Variants in TMEM117 observed in about 807,000 individuals in gnomAD.
TMEM117 encodes the protein transmembrane protein 117.
Under a neutral mutation model 52.4 loss-of-function variants are expected in TMEM117, and 27 were observed. The ratio of observed to expected loss-of-function variants is 0.51; its 90% CI spans 0.38 to 0.71. TMEM117 has a LOEUF of 0.71. Among genes scored for constraint, TMEM117 ranks in the 30% least tolerant of loss-of-function variants. The pLI is 0.00. For missense variants in TMEM117, 556 were observed against 630.5 expected (o/e 0.88, Z 1.26); for synonymous variants, 215 against 206.3 (o/e 1.04, Z -0.36).
Position 44,299,706 on chromosome 12 carries a change from T to C in TMEM117, c.735T>C (p.Phe245=). ...DEVSRAFLAS[F]ILVFDLLIVM... is the part of the protein sequence containing the mutation. The stretch of plus-strand genomic sequence containing the variant: ...TTTCCAGAGCATTCCTTGCTTCTTT[T>C]ATCTTGGTCTTTGACCTTCTTATTG... Residue 245 remains phenylalanine (F), a synonymous_variant, in exon 6 of 8, where the codon TTT becomes TTC. Coordinates refer to ENST00000266534, the MANE Select transcript of TMEM117 (RefSeq NM_032256.3). 1.2e-6 allele frequency: 2 copies of C among 1,614,210 alleles called. No individual in the cohort carries two copies. The highest frequency in any genetic ancestry group is 1.7e-6 in the Non-Finnish European group (2 of 1,180,028).
intron 3 of TMEM117, among the ~76,000 whole-genome samples, chr12:44,106,566 A>G (rs911196945): frequency 2.6e-5 from 4 of 152,036 alleles, no homozygotes; most frequent in African/African-American, 9.7e-5. Flanking sequence ...GATCTATTGC[A>G]CAGCATAGTA....
At chr12:44,239,309 A>G (rs1950034602) in intron 5 of TMEM117, among the ~76,000 whole-genome samples, 1 of 152,284 alleles carries the variant, frequency 6.6e-6, no homozygotes, top group African/African-American at 2.4e-5. Flanking sequence ...CAGCAAGTAT[A>G]CAGCATAACT....
chr12:43,868,089 A>G (rs896355785), intron 2 of TMEM117, among the ~76,000 whole-genome samples: 2 of 108,770 alleles, frequency 1.8e-5, no homozygotes, highest in Admixed American at 1.2e-4. Context: ...AGAAATAAAA[A>G]TCAAATATAC....
chr12:43,994,608 T>G (rs11836308), intron 3 of TMEM117, among the ~76,000 whole-genome samples: 8,935 of 152,150 alleles, frequency 0.059, 529 homozygotes, highest in African/African-American at 0.16. Flanking sequence ...AGTTACATGG[T>G]CCAAACATTT....
chr12:44,180,440 T>C (rs1259248032), intron 4 of TMEM117, among the ~76,000 whole-genome samples: 1 of 151,124 alleles, frequency 6.6e-6, no homozygotes, highest in Admixed American at 6.6e-5. Flanking sequence ...GCCATGCTGG[T>C]GCGCTGCACC....
intron 3 of TMEM117, among the ~76,000 whole-genome samples, chr12:44,075,018 A>G (rs778696101): frequency 1.3e-5 from 2 of 152,170 alleles, no homozygotes; most frequent in Non-Finnish European, 2.9e-5. Flanking sequence ...CAGTTTTCTC[A>G]GAAGTTGAGT....
At chr12:43,856,051 T>G (rs1030622590) in intron 2 of TMEM117, among the ~76,000 whole-genome samples, 2 of 152,204 alleles carry the variant, frequency 1.3e-5, no homozygotes, top group Non-Finnish European at 2.9e-5. Context: ...AACCAACAAG[T>G]TATCATGGTC....
intron 3 of TMEM117, among the ~76,000 whole-genome samples, chr12:43,951,147 A>G (rs1945214819): frequency 6.6e-6 from 1 of 152,172 alleles, no homozygotes; most frequent in African/African-American, 2.4e-5. Context: ...GATTTTTGCA[A>G]TCCATGAATC....
intron 6 of TMEM117, among the ~76,000 whole-genome samples, chr12:44,328,421 G>A (rs1267242590): frequency 1.3e-5 from 2 of 152,040 alleles, no homozygotes; most frequent in African/African-American, 4.8e-5. Flanking sequence ...TCTGTGTAGG[G>A]GTTGAAGATT....
chr12:44,094,981 C>T (rs939485636), intron 3 of TMEM117, among the ~76,000 whole-genome samples: 2 of 152,028 alleles, frequency 1.3e-5, no homozygotes, highest in African/African-American at 4.8e-5. Flanking sequence ...GTAATGTGAT[C>T]CTACCAGACT....
intron 2 of TMEM117, among the ~76,000 whole-genome samples, chr12:43,907,585 T>A (rs1944415775): frequency 6.8e-6 from 1 of 147,064 alleles, no homozygotes; most frequent in African/African-American, 2.5e-5. Context: ...GGCAAAGAAG[T>A]TGAAAACTTT....
chr12:44,191,529 T>C (rs1204898828), intron 4 of TMEM117, among the ~76,000 whole-genome samples: 1 of 152,020 alleles, frequency 6.6e-6, no homozygotes, highest in Non-Finnish European at 1.5e-5. Flanking sequence ...CATGGTAGAG[T>C]TGTAGTAATG....
the TMEM117 span, among the ~76,000 whole-genome samples, chr12:43,825,227 T>C: frequency 6.6e-6 from 1 of 152,150 alleles, no homozygotes; most frequent in African/African-American, 2.4e-5. Context: ...ACAGGAAAAA[T>C]TGCCACTAGT....
At chr12:44,013,006 T>G (rs1177327384) in intron 3 of TMEM117, among the ~76,000 whole-genome samples, 1 of 151,206 alleles carries the variant, frequency 6.6e-6, no homozygotes, top group Non-Finnish European at 1.5e-5. Context: ...ACACTTTTTT[T>G]CTTTTTTCTC....
chr12:44,385,105 G>A (rs889541378), intron 7 of TMEM117, among the ~76,000 whole-genome samples: 1 of 152,136 alleles, frequency 6.6e-6, no homozygotes, highest in Admixed American at 6.6e-5. Context: ...GGTTACCCAA[G>A]GTCATATGCT....
At chr12:43,924,910 C>G (rs1440117950) in intron 2 of TMEM117, among the ~76,000 whole-genome samples, 1 of 152,128 alleles carries the variant, frequency 6.6e-6, no homozygotes, top group African/African-American at 2.4e-5. Flanking sequence ...GTTGTTGTGA[C>G]TATATCAGCC....
intron 5 of TMEM117, among the ~76,000 whole-genome samples, chr12:44,278,420 G>T (rs1284891984): frequency 6.6e-6 from 1 of 152,116 alleles, no homozygotes; most frequent in Non-Finnish European, 1.5e-5. Context: ...GTTTCTGTAA[G>T]TGTCATCCAA....
intron 3 of TMEM117, among the ~76,000 whole-genome samples, chr12:44,065,524 T>G (rs1317140374): frequency 2.0e-5 from 3 of 152,202 alleles, no homozygotes; most frequent in Non-Finnish European, 4.4e-5. Context: ...TAGAGCTCAT[T>G]ACATATTTCT....
intron 3 of TMEM117, among the ~76,000 whole-genome samples, chr12:44,090,024 A>G (rs542222843): frequency 1.5e-4 from 23 of 152,264 alleles, no homozygotes; most frequent in African/African-American, 5.3e-4. Context: ...TTATTGTCTT[A>G]TGTGTTTATC....
Sources: gnomAD v4.1 joint callset for allele counts (sites outside exome capture counted in the v4.1 genomes callset) on GRCh38, gnomAD v4.1.1 for gene constraint, MANE v1.5 for transcripts, NCBI Gene and HGNC (gene_info 2026-07-23, HGNC 2026-07-21) for gene names.